Variants in GRIP1 observed in about 807,000 individuals in gnomAD.
GRIP1 encodes the protein glutamate receptor interacting protein 1.
In GRIP1, 45 loss-of-function variants were observed where a neutral mutation model predicts 129.9. The ratio of observed to expected loss-of-function variants is 0.35; its 90% CI spans 0.27 to 0.44. The LOEUF (loss-of-function observed/expected upper bound fraction) is 0.44, where lower values mean the gene tolerates loss of function less well. Ranked by LOEUF, GRIP1 falls within the 20% of genes least tolerant of loss-of-function variation. The probability of loss-of-function intolerance (pLI) is 1.00; values close to 1 mark genes in which losing one functional copy is unlikely to be tolerated. For synonymous variants in GRIP1, 530 were observed against 520.8 expected (o/e 1.02, Z -0.24); for missense variants, 1,196 against 1,396.8 (o/e 0.86, Z 2.29).
intron 1 of GRIP1, among the ~76,000 whole-genome samples, chr12:66,974,562 TCTAAA>T (rs2042124770): frequency 6.6e-6 from 1 of 152,206 alleles, no homozygotes; most frequent in African/African-American, 2.4e-5. Flanking sequence ...TTTGACATTG[TCTAAA>T]CTAAAATTCC....
intron 1 of GRIP1, among the ~76,000 whole-genome samples, chr12:67,003,448 T>G (rs1470427735): frequency 6.6e-6 from 1 of 152,102 alleles, no homozygotes; most frequent in East Asian, 1.9e-4. Flanking sequence ...TTCCAGCACT[T>G]TGGGAGGCTG....
At chr12:66,909,355 A>G (rs1363327392) in intron 1 of GRIP1, among the ~76,000 whole-genome samples, 6 of 152,100 alleles carry the variant, frequency 3.9e-5, no homozygotes, top group African/African-American at 1.4e-4. Context: ...GGTGGAGCAG[A>G]GAGCTTGGGG....
At chr12:66,420,421 T>TTTC (rs1555181440) in intron 15 of GRIP1, among the ~76,000 whole-genome samples, 1 of 151,018 alleles carries the variant, frequency 6.6e-6, no homozygotes, top group Non-Finnish European at 1.5e-5. Context: ...CAGGGTTTTT[T>TTTC]TTTTTTTTTT....
chr12:66,910,571 G>C (rs896055417), intron 1 of GRIP1, among the ~76,000 whole-genome samples: 4 of 151,826 alleles, frequency 2.6e-5, no homozygotes, highest in Admixed American at 2.0e-4. Flanking sequence ...GTTGGGTCTC[G>C]GTGTGAACAT....
chr12:66,843,424 T>A (rs1592896296), intron 1 of GRIP1, among the ~76,000 whole-genome samples: 1 of 152,134 alleles, frequency 6.6e-6, no homozygotes, highest in East Asian at 1.9e-4. Flanking sequence ...TGATATTCCA[T>A]ATGAATTTTA....
chr12:66,585,044 T>C (rs1330903304), intron 2 of GRIP1, among the ~76,000 whole-genome samples: 5 of 152,166 alleles, frequency 3.3e-5, no homozygotes, highest in Non-Finnish European at 7.4e-5. Flanking sequence ...TGTTTTTTTA[T>C]ATTTGATTAT....
intron 6 of GRIP1, 131 bp downstream of exon 6, chr12:66,517,770 T>C: frequency 1.4e-6 from 1 of 694,496 alleles, no homozygotes; most frequent in South Asian, 1.6e-5. Context: ...AGACTCTCAA[T>C]TTTCACATTG....
At chr12:66,436,247 C>T (rs1212796198) in intron 13 of GRIP1, among the ~76,000 whole-genome samples, 1 of 152,146 alleles carries the variant, frequency 6.6e-6, no homozygotes, top group African/African-American at 2.4e-5. Context: ...ATAACAACCA[C>T]ACCGTAATTC....
intron 1 of GRIP1, among the ~76,000 whole-genome samples, chr12:66,653,163 C>T (rs747261361): frequency 5.3e-5 from 8 of 152,058 alleles, no homozygotes; most frequent in African/African-American, 1.4e-4. Context: ...TCAGGCTCTC[C>T]GTTTCTACAT....
chr12:66,665,326 C>T (rs1046738144), intron 1 of GRIP1, among the ~76,000 whole-genome samples: 3 of 152,134 alleles, frequency 2.0e-5, no homozygotes, highest in Non-Finnish European at 4.4e-5. Context: ...CTTTTTATTA[C>T]AATATGGCAT....
At chr12:66,794,891 A>C (rs1010434209) in intron 1 of GRIP1, among the ~76,000 whole-genome samples, 5 of 152,214 alleles carry the variant, frequency 3.3e-5, no homozygotes, top group African/African-American at 1.2e-4. Context: ...ACCAGCCATA[A>C]ATAACAGTTT....
At chr12:66,566,242 A>G (rs2062752732) in intron 2 of GRIP1, among the ~76,000 whole-genome samples, 2 of 152,176 alleles carry the variant, frequency 1.3e-5, no homozygotes, top group South Asian at 4.1e-4. Flanking sequence ...ATTCAGTATG[A>G]TATTGGCTGT....
intron 1 of GRIP1, among the ~76,000 whole-genome samples, chr12:66,721,987 G>A (rs1195198017): frequency 1.3e-5 from 2 of 152,174 alleles, no homozygotes; most frequent in Non-Finnish European, 2.9e-5. Flanking sequence ...CTCTGGATTA[G>A]GCTTTGATTT....
At chr12:66,550,095 C>T (rs187915755) in intron 2 of GRIP1, among the ~76,000 whole-genome samples, 12 of 152,238 alleles carry the variant, frequency 7.9e-5, no homozygotes, top group East Asian at 1.9e-4. Flanking sequence ...TATGGCAATA[C>T]GAGAATTGTT....
At chr12:66,653,321 T>C (rs370509837) in intron 1 of GRIP1, among the ~76,000 whole-genome samples, 1 of 152,236 alleles carries the variant, frequency 6.6e-6, no homozygotes, top group African/African-American at 2.4e-5. Context: ...AGGGCCTTTA[T>C]AAACATTAGG....
chr12:66,369,275 G>C (rs551386435), intron 23 of GRIP1, among the ~76,000 whole-genome samples: 2 of 148,214 alleles, frequency 1.3e-5, no homozygotes, highest in South Asian at 4.4e-4. Context: ...GTTCCAACCA[G>C]TCCATCCACA....
intron 1 of GRIP1, among the ~76,000 whole-genome samples, chr12:66,746,997 G>A (rs1162791192): frequency 6.6e-6 from 1 of 152,076 alleles, no homozygotes; most frequent in Non-Finnish European, 1.5e-5. Context: ...CTGAGTTATG[G>A]CAATAATGGT....
intron 7 of GRIP1, among the ~76,000 whole-genome samples, chr12:66,480,946 A>T (rs949579331): frequency 5.9e-5 from 9 of 152,200 alleles, no homozygotes; most frequent in Non-Finnish European, 5.9e-5. Context: ...AAGACCTAAA[A>T]TTATCAAAAC....
intron 1 of GRIP1, among the ~76,000 whole-genome samples, chr12:66,802,182 T>C (rs937139697): frequency 6.6e-6 from 1 of 152,060 alleles, no homozygotes; most frequent in Non-Finnish European, 1.5e-5. Flanking sequence ...AAATGCCAAA[T>C]CCCAAGTGCC....
Sources: gnomAD v4.1 joint callset for allele counts (sites outside exome capture counted in the v4.1 genomes callset) on GRCh38, gnomAD v4.1.1 for gene constraint, MANE v1.5 for transcripts, NCBI Gene and HGNC (gene_info 2026-07-23, HGNC 2026-07-21) for gene names.